The following RUFY1 variants were observed in gnomAD, a reference collection of about 807,000 sequenced individuals.
RUFY1 encodes RUN and FYVE domain-containing protein 1.
A neutral mutation model predicts 94.6 loss-of-function variants in RUFY1; 54 were observed. The observed-to-expected ratio is 0.57, with a 90% CI of 0.46 to 0.72. The LOEUF (loss-of-function observed/expected upper bound fraction) is 0.72. RUFY1 is among the 30% of genes least tolerant of loss of function. The pLI is 0.00. For missense variants in RUFY1, 883 were observed against 883.9 expected, an observed-to-expected ratio of 1.00 and a Z score of 0.01; for synonymous variants, 396 against 347.3, an observed-to-expected ratio of 1.14 and a Z score of -1.56.
intron 16 of RUFY1, 124 bp from the exon 17 acceptor site, chr5:179,607,458 G>A (rs1767220668): frequency 1.3e-6 from 1 of 783,434 alleles, no homozygotes. Context: ...CCCATCTGAT[G>A]GAGAAACAGT....
intron 15 of RUFY1, among the ~76,000 whole-genome samples, chr5:179,604,511 G>A (rs1766829831): frequency 6.6e-6 from 1 of 152,156 alleles, no homozygotes; most frequent in Admixed American, 6.5e-5. Context: ...GGACCAGGAA[G>A]GGAAGGAGCT....
rs1488599849 is a variant in RUFY1, at chr5:179,609,677, G to A, written c.*158G>A. 1.1e-5 allele frequency: 7 copies of A among 649,178 alleles called. No homozygotes were observed. The highest frequency in any genetic ancestry group is 1.7e-5 in the Non-Finnish European group (7 of 405,772). The allele number at this position is 649,178 out of a possible 1,614,324, so 40.2% of individuals were successfully genotyped here. On this transcript the variant is annotated 3_prime_UTR_variant, in exon 18 of 18. Coordinates refer to ENST00000319449, the MANE Select transcript of RUFY1 (RefSeq NM_025158.5). ...AGAAGACAGCGTGCCGGAACCGGCAGCTCTCACCTTTCTGTGACTTGTTCG... is the reference window on the plus strand; with the variant it reads ...AGAAGACAGCGTGCCGGAACCGGCAACTCTCACCTTTCTGTGACTTGTTCG...
chr5:179,593,413 A>C, intron 10 of RUFY1, 65 bp from the exon 11 acceptor site: 1 of 1,540,838 alleles, frequency 6.5e-7, no homozygotes, highest in Admixed American at 1.8e-5. Flanking sequence ...CTGAGATTCA[A>C]CCCCAGTTAA....
At chr5:179,608,275 C>T in intron 17 of RUFY1, 1 of 987,318 alleles carries the variant, frequency 1.0e-6, no homozygotes, top group African/African-American at 1.7e-5. Context: ...CTGTCTGTTC[C>T]CATCAACAGC....
intron 8 of RUFY1, among the ~76,000 whole-genome samples, chr5:179,588,717 G>A (rs1258883202): frequency 6.6e-6 from 1 of 152,084 alleles, no homozygotes; most frequent in Non-Finnish European, 1.5e-5. Flanking sequence ...TATTTGATTT[G>A]TATTGTTCCC....
chr5:179,586,257 A>T, intron 8 of RUFY1: 2 of 453,046 alleles, frequency 4.4e-6, no homozygotes, highest in Non-Finnish European at 4.4e-6. Context: ...TATCCAGCCC[A>T]CCCCTTCTGC....
chr5:179,604,296 A>G (rs547529152), intron 15 of RUFY1, among the ~76,000 whole-genome samples: 3 of 152,286 alleles, frequency 2.0e-5, no homozygotes, highest in African/African-American at 7.2e-5. Context: ...AGAGATGGCA[A>G]AGCCTCTTCG....
intron 4 of RUFY1, among the ~76,000 whole-genome samples, 156 bp downstream of exon 4, chr5:179,567,718 G>T (rs1162863650): frequency 6.6e-6 from 1 of 151,920 alleles, no homozygotes. Flanking sequence ...TGGCCAACAT[G>T]GTGTCGTATT....
chr5:179,599,189 G>GGA (rs1766027792), intron 14 of RUFY1: 1 of 198,150 alleles, frequency 5.0e-6, no homozygotes, highest in Admixed American at 5.8e-5. Context: ...GGAGCAAAGA[G>GGA]GCGGCCTCAG....
intron 8 of RUFY1, 25 bp from the exon 9 acceptor site, chr5:179,589,521 A>G: frequency 6.9e-7 from 1 of 1,451,216 alleles, no homozygotes; most frequent in East Asian, 2.3e-5. Flanking sequence ...TGATGTTAAG[A>G]ACTGTAAAAA....
At chr5:179,607,759 G>GC in intron 17 of RUFY1, 100 bp downstream of exon 17, 1 of 1,023,232 alleles carries the variant, frequency 9.8e-7, no homozygotes, top group Non-Finnish European at 1.5e-6. Flanking sequence ...CAGGCTCACT[G>GC]CCCGGTGACT....
At position 179,559,747 on chromosome 5, in the gene RUFY1, G is replaced by T; in HGVS notation, c.311-278G>T. 3 of 1,138,794 alleles carry T rather than the reference G, an allele frequency of 2.6e-6. 1 individual carries two copies. The highest frequency in any genetic ancestry group is 3.2e-6 in the Non-Finnish European group (3 of 926,260). The allele number at this position is 1,138,794 out of a possible 1,614,324, so 70.5% of individuals were successfully genotyped here. ...AAACGCGGCGAGTCTTGCTAAAGCC[G>T]TCGCCGTAGCAACGCGCGGAGCCGT... On this transcript the variant is annotated intron_variant, in intron 1 of 17. Coordinates refer to ENST00000319449, the MANE Select transcript of RUFY1 (RefSeq NM_025158.5).
At position 179,609,983 on chromosome 5, in the gene RUFY1, T is replaced by C. The variant is rs1251920502; in HGVS notation, c.*464T>C. ...TCATGCCCTTGTGACTACCTATCATTGGCCCTGCAATAAAATCATTTATTT... is the reference window on the plus strand; with the variant it reads ...TCATGCCCTTGTGACTACCTATCATCGGCCCTGCAATAAAATCATTTATTT... On this transcript the variant is annotated 3_prime_UTR_variant, in exon 18 of 18. Coordinates refer to ENST00000319449, the MANE Select transcript of RUFY1 (RefSeq NM_025158.5). 6.5e-6 allele frequency: 1 copy of C among 153,924 alleles called. No individual in the cohort carries two copies. Among genetic ancestry groups the C allele is most frequent in the Non-Finnish European group, 1.4e-5 (1 of 69,024 alleles). The allele number at this position is 153,924 out of a possible 1,614,324, so 9.5% of individuals were successfully genotyped here. A position where few individuals can be genotyped will look rare whatever the true frequency, so the allele number is the denominator to read the frequency against.
At chr5:179,551,502 A>AT (rs1224413068) in intron 1 of RUFY1, among the ~76,000 whole-genome samples, 1 of 151,828 alleles carries the variant, frequency 6.6e-6, no homozygotes, top group Non-Finnish European at 1.5e-5. Context: ...ATTTATTTTT[A>AT]TTTTTTTGAG....
chr5:179,582,898 C>CTTTCTCCGCCATCATATCAGGGT (rs1764272941), intron 7 of RUFY1, among the ~76,000 whole-genome samples: 1 of 152,084 alleles, frequency 6.6e-6, no homozygotes, highest in African/African-American at 2.4e-5. Flanking sequence ...TTATAGTTTT[C>CTTTCTCCGCCATCATATCAGGGT]TTTCTCCGCC....
At chr5:179,580,109 T>G (rs190459371) in intron 6 of RUFY1, among the ~76,000 whole-genome samples, 195 of 152,216 alleles carry the variant, frequency 1.3e-3, no homozygotes, top group Middle Eastern at 3.4e-3. Flanking sequence ...AAAGTGTATC[T>G]ACTGGTATAT....
chr5:179,571,880 A>G (rs1228569755), intron 5 of RUFY1, among the ~76,000 whole-genome samples: 1 of 151,618 alleles, frequency 6.6e-6, no homozygotes, highest in Non-Finnish European at 1.5e-5. Flanking sequence ...CTTCTTTATT[A>G]AAGACTAAGC....
At position 179,609,332 on chromosome 5, in the gene RUFY1, C is replaced by T. The variant is rs368430714; in HGVS notation, c.1984-44C>T. On this transcript the variant is annotated intron_variant, in intron 17 of 17. Coordinates refer to ENST00000319449, the MANE Select transcript of RUFY1 (RefSeq NM_025158.5). ...GGAAGCAGGGAGGGTGTGCGGATGG[C>T]TTTTCCCCGGGTGTCCTGTGACCGC... is the stretch of plus-strand genomic sequence containing the variant. The T allele has an allele frequency of 3.8e-6, 6 of 1,597,398 alleles. No homozygotes were observed. The East Asian group carries it at 6.7e-5, about 18-fold the overall frequency.
At position 179,596,629 on chromosome 5, in the gene RUFY1, G is replaced by GGC. The variant is rs1047863508; in HGVS notation, c.1581_1582dup (p.Gly528AlafsTer25). On this transcript the variant is annotated frameshift_variant, in exon 13 of 18. Transcript: ENST00000319449. LOFTEE classifies it high-confidence loss of function. Reference sequence around the variant, plus strand: ...GAGCCACAAGCTGCAGCAGGAGCTGGGCGGGAGGATCGGCGCCCTGCAGCT... The same window carrying GGC: ...GAGCCACAAGCTGCAGCAGGAGCTGGGCGCGGGAGGATCGGCGCCCTGCAGCT... The GGC allele has an allele frequency of 3.8e-5, 62 of 1,612,388 alleles. No homozygotes were observed. The highest frequency in any genetic ancestry group is 4.8e-5 in the Non-Finnish European group (57 of 1,179,778).
Sources: allele counts gnomAD v4.1 joint callset (sites outside exome capture counted in the v4.1 genomes callset), GRCh38; gene constraint gnomAD v4.1.1; transcripts MANE v1.5; gene names NCBI Gene and HGNC (gene_info 2026-07-23, HGNC 2026-07-21).